Variants in ZNF536 observed in about 807,000 individuals in gnomAD.
The protein encoded by ZNF536 is zinc finger protein 536.
A neutral mutation model predicts 84.5 loss-of-function variants in ZNF536; 13 were observed. The observed-to-expected ratio is 0.15, with a 90% CI of 0.10 to 0.24. The LOEUF (loss-of-function observed/expected upper bound fraction) is 0.24. Ranked by LOEUF, ZNF536 falls within the 10% of genes least tolerant of loss-of-function variation. ZNF536 has a pLI of 1.00. For missense variants in ZNF536, 1,536 were observed against 1,747.5 expected (o/e 0.88, Z 2.16); for synonymous variants, 811 against 742.5 (o/e 1.09, Z -1.50).
At chr19:30,460,431 T>G (rs2148414405) in intron 2 of ZNF536, among the ~76,000 whole-genome samples, 1 of 152,258 alleles carries the variant, frequency 6.6e-6, no homozygotes, top group Middle Eastern at 3.4e-3. Context: ...CCTGAAGAGG[T>G]GTCCTGGCCT....
Position 30,557,239 on chromosome 19 carries a change from T to G in ZNF536, c.*75T>G. ...GTCCTCGGTGGTTATCTGCAGCTTG[T>G]TAATCGTGTAAAGTCAAGAGAAGAA... is the stretch of plus-strand genomic sequence containing the variant. On this transcript the variant is annotated 3_prime_UTR_variant, in exon 5 of 5. Transcript: ENST00000355537. 5.9e-6 allele frequency: 9 copies of G among 1,533,530 alleles called. No homozygotes were observed. The South Asian group carries it at 1.0e-4, about 17-fold the overall frequency. 95.0% of individuals were successfully genotyped at this position (1,533,530 alleles called of 1,614,324 possible).
intron 1 of ZNF536, among the ~76,000 whole-genome samples, chr19:30,662,474 T>G (rs2147597340): frequency 6.6e-6 from 1 of 152,284 alleles, no homozygotes; most frequent in African/African-American, 2.4e-5. Flanking sequence ...TTTTATCTGC[T>G]GAACGAATCA....
At chr19:30,346,307 C>A (rs1046632094) in intron 2 of ZNF536, among the ~76,000 whole-genome samples, 3 of 152,156 alleles carry the variant, frequency 2.0e-5, no homozygotes, top group Admixed American at 2.0e-4. Context: ...TATATTTAGA[C>A]CAAATTTTAT....
At chr19:30,440,425 C>T (rs561175738) in intron 1 of ZNF536, among the ~76,000 whole-genome samples, 27 of 152,144 alleles carry the variant, frequency 1.8e-4, no homozygotes, top group Non-Finnish European at 3.4e-4. Flanking sequence ...GTGCAAAGGC[C>T]GAGGTTAGGC....
At position 30,525,029 on chromosome 19, in the gene ZNF536, C is replaced by T. The variant is rs557030225; in HGVS notation, c.2171-9818C>T. Among the ~76,000 whole-genome samples the T allele has an allele frequency of 1.6e-4, 25 of 152,188 alleles. No individual in the cohort carries two copies. The East Asian group carries it at 4.8e-3, about 29-fold the overall frequency. On this transcript the variant is annotated intron_variant, in intron 2 of 4. Coordinates refer to ENST00000355537, the MANE Select transcript of ZNF536 (RefSeq NM_014717.3). ...TCTTTATGCTTATGTGAAGTCGTTT[C>T]TCCTTATGATAGTCAGATCTTCGTT...
chr19:30,441,781 A>G (rs1460769293), intron 1 of ZNF536, among the ~76,000 whole-genome samples: 1 of 152,232 alleles, frequency 6.6e-6, no homozygotes, highest in Non-Finnish European at 1.5e-5. Context: ...AAGTTGGCCC[A>G]GCACCACCAC....
intron 2 of ZNF536, among the ~76,000 whole-genome samples, chr19:30,293,912 AT>A (rs1409531878): frequency 6.6e-6 from 1 of 152,124 alleles, no homozygotes; most frequent in Non-Finnish European, 1.5e-5. Flanking sequence ...GTGATAACCT[AT>A]GCCCATACAT....
intron 1 of ZNF536, among the ~76,000 whole-genome samples, chr19:30,388,705 A>G (rs904444681): frequency 3.5e-4 from 54 of 152,344 alleles, no homozygotes; most frequent in African/African-American, 1.3e-3. Context: ...TGCTGTTATC[A>G]AGAGACCAGT....
chr19:30,386,272 A>C (rs1192082144), intron 1 of ZNF536, among the ~76,000 whole-genome samples: 1 of 152,174 alleles, frequency 6.6e-6, no homozygotes, highest in Non-Finnish European at 1.5e-5. Context: ...CTCTGAGTGG[A>C]GTTAGCCCCT....
intron 1 of ZNF536, among the ~76,000 whole-genome samples, chr19:30,579,945 T>C (rs1357792362): frequency 6.6e-6 from 1 of 152,222 alleles, no homozygotes; most frequent in Non-Finnish European, 1.5e-5. Flanking sequence ...TAGACTCTTT[T>C]TAAGAAAGCT....
In ZNF536 at chr19:30,549,088, A is replaced by G. The variant is rs2146236861; in HGVS notation, c.3469A>G (p.Thr1157Ala). The G allele has an allele frequency of 1.9e-6, 3 of 1,614,128 alleles. No homozygotes were observed. In the South Asian group the frequency reaches 3.3e-5, roughly 18 times the overall value. ...GATCCCCGAAACCACGAGTAAGAAC[A>G]CTACTGATGACCTCTCTGACATTGC... The part of the protein sequence containing the change: ...ILIPETTSKN[T>A]TDDLSDIASS... The change falls in exon 4 of 5, where the codon ACT becomes GCT. Residue 1157 changes from threonine to alanine, a missense_variant. Thr to Ala is a moderately conservative substitution (Grantham distance 58, BLOSUM62 0). Coordinates refer to ENST00000355537, the MANE Select transcript of ZNF536 (RefSeq NM_014717.3).
At position 30,691,366 on chromosome 19, in the gene ZNF536, C is replaced by A. The variant is rs1478870482; in HGVS notation, c.170-19391C>A. Reference sequence around the variant, plus strand: ...CGCTCGGATCCCAGGCCAGATGGAACAGGAAGATCCGGATACTAAAAATCA... The same window carrying A: ...CGCTCGGATCCCAGGCCAGATGGAAAAGGAAGATCCGGATACTAAAAATCA... On this transcript the variant is annotated intron_variant, in intron 1 of 1. Transcript: ENST00000592773. Among the ~76,000 whole-genome samples, 8 of 152,034 alleles carry A rather than the reference C, an allele frequency of 5.3e-5. No homozygotes were observed. The South Asian group carries it at 1.7e-3, about 32-fold the overall frequency.
chr19:30,234,450 G>A (rs906445945), intron 1 of ZNF536, among the ~76,000 whole-genome samples: 1 of 127,282 alleles, frequency 7.9e-6, no homozygotes, highest in Non-Finnish European at 1.5e-5. Context: ...TCCCCAGGCT[G>A]GAGTGCAGTG....
intron 1 of ZNF536, among the ~76,000 whole-genome samples, chr19:30,625,471 T>G (rs754962815): frequency 3.3e-5 from 5 of 152,232 alleles, no homozygotes; most frequent in Non-Finnish European, 7.3e-5. Context: ...TATGAAATTA[T>G]TTCTCCGTGT....
intron 2 of ZNF536, among the ~76,000 whole-genome samples, chr19:30,348,414 C>T (rs573156688): frequency 9.2e-5 from 14 of 152,276 alleles, no homozygotes; most frequent in Admixed American, 2.0e-4. Context: ...ACTCATCCAC[C>T]GTGACTGTAG....
At chr19:30,291,297 C>T (rs967323605) in intron 2 of ZNF536, among the ~76,000 whole-genome samples, 2 of 152,194 alleles carry the variant, frequency 1.3e-5, no homozygotes, top group South Asian at 2.1e-4. Flanking sequence ...AATTTACACT[C>T]CTACCAACCA....
intron 1 of ZNF536, among the ~76,000 whole-genome samples, chr19:30,672,424 A>G (rs1344848535): frequency 6.6e-6 from 1 of 152,244 alleles, no homozygotes; most frequent in African/African-American, 2.4e-5. Flanking sequence ...CCAGATGCTA[A>G]GAGGGCTTTG....
chr19:30,567,555 C>T (rs1044075467), intron 1 of ZNF536, among the ~76,000 whole-genome samples: 1 of 152,180 alleles, frequency 6.6e-6, no homozygotes, highest in African/African-American at 2.4e-5. Context: ...CCTCCTTCCC[C>T]CGCAGCGAGA....
intron 2 of ZNF536, among the ~76,000 whole-genome samples, chr19:30,489,760 G>T (rs375974088): frequency 5.9e-5 from 9 of 152,174 alleles, no homozygotes; most frequent in African/African-American, 2.2e-4. Context: ...GACAGTCGTC[G>T]TCAGGTAGTA....
Sources: gnomAD v4.1 joint callset for allele counts (sites outside exome capture counted in the v4.1 genomes callset) on GRCh38, gnomAD v4.1.1 for gene constraint, MANE v1.5 for transcripts, NCBI Gene and HGNC (gene_info 2026-07-23, HGNC 2026-07-21) for gene names.